Variants in HYCC1 observed in about 807,000 individuals in gnomAD.
HYCC1 encodes the protein hyccin PI4KA lipid kinase complex subunit 1.
chr7:22,901,445 T>C, the HYCC1 span, among the ~76,000 whole-genome samples: 1 of 152,058 alleles, frequency 6.6e-6, no homozygotes, highest in Non-Finnish European at 1.5e-5. Context: ...AGACGAAGAT[T>C]GGCAGAGTGG....
At chr7:22,910,783 TG>T in the HYCC1 span, among the ~76,000 whole-genome samples, 1 of 152,034 alleles carries the variant, frequency 6.6e-6, no homozygotes, top group Non-Finnish European at 1.5e-5. Flanking sequence ...CCGGTTTTTT[TG>T]GGGGGGCAAC....
chr7:22,956,370 T>C, the HYCC1 span, among the ~76,000 whole-genome samples: 9 of 152,008 alleles, frequency 5.9e-5, no homozygotes, highest in East Asian at 1.7e-3. Context: ...CCAAACATAT[T>C]TACTGACATA....
the HYCC1 span, among the ~76,000 whole-genome samples, chr7:22,970,740 T>G: frequency 6.6e-6 from 1 of 152,196 alleles, no homozygotes; most frequent in Non-Finnish European, 1.5e-5. Flanking sequence ...TTTTTCTGAT[T>G]CCTATCTTCA....
At chr7:22,915,810 A>G in the HYCC1 span, among the ~76,000 whole-genome samples, 2 of 152,120 alleles carry the variant, frequency 1.3e-5, no homozygotes, top group African/African-American at 2.4e-5. Flanking sequence ...GCCAACTTGG[A>G]CAACATTCTT....
chr7:22,945,658 T>C, the HYCC1 span: 8 of 1,613,678 alleles, frequency 5.0e-6, no homozygotes, highest in Admixed American at 1.7e-5. Flanking sequence ...TCATTGGAAG[T>C]TCAGTTCTTT....
the HYCC1 span, among the ~76,000 whole-genome samples, chr7:22,967,225 C>T: frequency 2.0e-5 from 3 of 152,102 alleles, no homozygotes; most frequent in Non-Finnish European, 4.4e-5. Context: ...TTTCAATGAA[C>T]AAGTTCAAGA....
At chr7:22,991,038 T>C in the HYCC1 span, 4 of 1,509,738 alleles carry the variant, frequency 2.6e-6, no homozygotes, top group South Asian at 4.5e-5. Flanking sequence ...ATATAATTAC[T>C]ATAGTAGAAC....
chr7:22,925,230 G>C, the HYCC1 span, among the ~76,000 whole-genome samples: 1 of 152,226 alleles, frequency 6.6e-6, no homozygotes, highest in East Asian at 1.9e-4. Context: ...CAAAGATGGG[G>C]AAAAAACAGA....
the HYCC1 span, among the ~76,000 whole-genome samples, chr7:23,013,658 C>G: frequency 3.3e-5 from 5 of 150,006 alleles, no homozygotes; most frequent in South Asian, 6.3e-4. Context: ...GCCCTCCAGG[C>G]AGCGGGCAGG....
chr7:22,949,429 T>C, the HYCC1 span, among the ~76,000 whole-genome samples: 3 of 152,106 alleles, frequency 2.0e-5, no homozygotes, highest in African/African-American at 7.2e-5. Flanking sequence ...TTGAGTTAAA[T>C]ATCCTCTGAC....
the HYCC1 span, among the ~76,000 whole-genome samples, chr7:22,924,768 C>A: frequency 6.6e-5 from 10 of 152,240 alleles, no homozygotes; most frequent in Non-Finnish European, 1.2e-4. Context: ...AGGGCACAGA[C>A]AAACAAAAGA....
the HYCC1 span, chr7:22,978,546 T>C: frequency 1.2e-5 from 12 of 1,033,176 alleles, no homozygotes; most frequent in East Asian, 2.6e-5. Context: ...GTAAAAATCA[T>C]ATCTTTTTAA....
At chr7:23,000,738 A>G in the HYCC1 span, among the ~76,000 whole-genome samples, 4 of 152,200 alleles carry the variant, frequency 2.6e-5, 1 homozygote, top group African/African-American at 7.2e-5. Flanking sequence ...GAGACTTAAT[A>G]AGAGCTTCCA....
the HYCC1 span, among the ~76,000 whole-genome samples, chr7:22,930,937 A>G: frequency 1.3e-5 from 2 of 152,154 alleles, no homozygotes; most frequent in Admixed American, 1.3e-4. Flanking sequence ...TTCAACATTC[A>G]TTCATGATGA....
At chr7:22,967,588 T>C in the HYCC1 span, among the ~76,000 whole-genome samples, 10,185 of 152,224 alleles carry the variant, frequency 0.067, 482 homozygotes, top group Non-Finnish European at 0.094. Context: ...CAAAATCAGA[T>C]TGGTCTTCCG....
At chr7:22,933,569 T>C in the HYCC1 span, among the ~76,000 whole-genome samples, 1 of 152,188 alleles carries the variant, frequency 6.6e-6, no homozygotes, top group African/African-American at 2.4e-5. Flanking sequence ...CTTGTGTCTT[T>C]GAATCCAAGG....
At chr7:22,927,564 C>T in the HYCC1 span, among the ~76,000 whole-genome samples, 1 of 152,174 alleles carries the variant, frequency 6.6e-6, no homozygotes, top group Non-Finnish European at 1.5e-5. Flanking sequence ...CACCTCTACG[C>T]AAATAAACTA....
the HYCC1 span, among the ~76,000 whole-genome samples, chr7:22,997,502 G>C: frequency 6.6e-6 from 1 of 152,086 alleles, no homozygotes; most frequent in South Asian, 2.1e-4. Flanking sequence ...TAAATTAAGC[G>C]CTACCAGAAG....
the HYCC1 span, among the ~76,000 whole-genome samples, chr7:23,007,761 C>G: frequency 2.0e-5 from 3 of 152,044 alleles, no homozygotes; most frequent in Admixed American, 6.5e-5. Flanking sequence ...GCCTTTATCC[C>G]TAAAACAGCA....
Sources: gnomAD v4.1 joint callset for allele counts (sites outside exome capture counted in the v4.1 genomes callset) on GRCh38, gnomAD v4.1.1 for gene constraint, MANE v1.5 for transcripts, NCBI Gene and HGNC (gene_info 2026-07-23, HGNC 2026-07-21) for gene names.